The following MUSK variants were observed in gnomAD, a reference collection of about 807,000 sequenced individuals.
MUSK encodes the protein muscle associated receptor tyrosine kinase, also known as muscle, skeletal receptor tyrosine-protein kinase.
In MUSK, 55 loss-of-function variants were observed where a neutral mutation model predicts 88.7. The ratio of observed to expected loss-of-function variants is 0.62; its 90% CI spans 0.50 to 0.78. The LOEUF is 0.78. Ranked by LOEUF, MUSK falls within the 30% of genes least tolerant of loss-of-function variation. The pLI is 0.00. For synonymous variants in MUSK, 387 were observed against 391.9 expected, an observed-to-expected ratio of 0.99 and a Z score of 0.15; for missense variants, 1,015 against 1,074.3, an observed-to-expected ratio of 0.94 and a Z score of 0.77.
At position 110,804,908 on chromosome 9, in the gene MUSK, GAGAT is replaced by G. The variant is rs1052158151; in HGVS notation, c.*3930_*3933del. On this transcript the variant is annotated 3_prime_UTR_variant, in exon 15 of 15. Coordinates refer to ENST00000374448, the MANE Select transcript of MUSK (RefSeq NM_005592.4). ...TAGATAGATAGATGATACATAGAGA[GAGAT>G]AGATAGATAATTTAAACAAAAATAA... 2.6e-5 allele frequency among the ~76,000 whole-genome samples: 4 copies of G among 151,792 alleles called. No individual in the cohort carries two copies. The highest frequency in any genetic ancestry group is 2.0e-4 in the Admixed American group (3 of 15,258).
At chr9:110,743,111 C>T (rs760076121) in intron 6 of MUSK, among the ~76,000 whole-genome samples, 10 of 152,198 alleles carry the variant, frequency 6.6e-5, no homozygotes, top group East Asian at 1.9e-4. Flanking sequence ...TCACTCACTA[C>T]GAGTTAGTAA....
At chr9:110,764,595 TAGA>T (rs775452260) in intron 8 of MUSK, among the ~76,000 whole-genome samples, 1 of 138,396 alleles carries the variant, frequency 7.2e-6, no homozygotes, top group Non-Finnish European at 1.6e-5. Context: ...GATAGATAGA[TAGA>T]TAGATTAGAT....
intron 5 of MUSK, among the ~76,000 whole-genome samples, chr9:110,732,510 T>A (rs1156360057): frequency 6.6e-6 from 1 of 152,094 alleles, no homozygotes; most frequent in Non-Finnish European, 1.5e-5. Context: ...TCTCTTTTAA[T>A]CTATAATGGA....
intron 1 of MUSK, among the ~76,000 whole-genome samples, chr9:110,678,766 T>C (rs1196551417): frequency 1.3e-5 from 2 of 152,172 alleles, no homozygotes; most frequent in African/African-American, 2.4e-5. Context: ...TTTGAAAATA[T>C]GTGTCATCTA....
intron 9 of MUSK, among the ~76,000 whole-genome samples, chr9:110,772,977 G>T (rs961773864): frequency 6.6e-6 from 1 of 152,020 alleles, no homozygotes. Flanking sequence ...TGGTACAAAA[G>T]TAATTGTGTT....
chr9:110,678,625 T>C (rs973299961), intron 1 of MUSK, among the ~76,000 whole-genome samples: 2 of 152,200 alleles, frequency 1.3e-5, no homozygotes, highest in African/African-American at 4.8e-5. Flanking sequence ...CAATTTTGTT[T>C]TTAAAATTCT....
intron 7 of MUSK, among the ~76,000 whole-genome samples, chr9:110,755,979 CATATAT>C (rs61338385): frequency 9.8e-6 from 1 of 102,520 alleles, no homozygotes; most frequent in African/African-American, 3.5e-5. Context: ...TATATATATA[CATATAT>C]ATATATATAT....
intron 9 of MUSK, among the ~76,000 whole-genome samples, chr9:110,769,910 CTCTG>C: frequency 6.6e-6 from 1 of 152,130 alleles, no homozygotes; most frequent in East Asian, 1.9e-4. Context: ...TAGAAAAATT[CTCTG>C]TGTGTGTGAC....
intron 6 of MUSK, 115 bp downstream of exon 6, chr9:110,734,490 C>CTT (rs2077004030): frequency 7.8e-7 from 1 of 1,286,410 alleles, no homozygotes; most frequent in Non-Finnish European, 1.1e-6. Flanking sequence ...ACCTACACCA[C>CTT]TTTTCAAAGC....
chr9:110,790,345 A>C (rs572036755), intron 14 of MUSK, among the ~76,000 whole-genome samples: 1 of 152,250 alleles, frequency 6.6e-6, no homozygotes, highest in Non-Finnish European at 1.5e-5. Context: ...TTGTTTTGCC[A>C]TAAAGGTGAA....
At chr9:110,681,023 T>TATATAATATATA in intron 1 of MUSK, among the ~76,000 whole-genome samples, 628 of 30,232 alleles carry the variant, frequency 0.021, 116 homozygotes, top group African/African-American at 0.11. Context: ...TAATATATAT[T>TATATAATATATA]ATATATTATA....
chr9:110,786,243 A>G (rs962109901), intron 13 of MUSK, among the ~76,000 whole-genome samples: 5 of 150,166 alleles, frequency 3.3e-5, no homozygotes, highest in Non-Finnish European at 5.9e-5. Context: ...GCCGGAAGAC[A>G]GAGGTTGCAG....
At chr9:110,677,047 A>AC (rs2131634968) in intron 1 of MUSK, among the ~76,000 whole-genome samples, 1 of 152,118 alleles carries the variant, frequency 6.6e-6, no homozygotes, top group African/African-American at 2.4e-5. Flanking sequence ...TCCGTGGTTA[A>AC]CCCGTCTTTC....
chr9:110,725,757 C>T (rs1291551831), intron 5 of MUSK, among the ~76,000 whole-genome samples: 3 of 151,934 alleles, frequency 2.0e-5, no homozygotes, highest in African/African-American at 7.2e-5. Context: ...CCTAACCTCC[C>T]TAAAGAAGAT....
intron 9 of MUSK, among the ~76,000 whole-genome samples, chr9:110,773,584 C>G (rs905687689): frequency 6.6e-6 from 1 of 152,044 alleles, no homozygotes; most frequent in African/African-American, 2.4e-5. Context: ...AAATTCACTT[C>G]TTGTTCATTC....
At chr9:110,694,402 A>C (rs111261914) in intron 3 of MUSK, among the ~76,000 whole-genome samples, 2,737 of 132,680 alleles carry the variant, frequency 0.021, 98 homozygotes, top group African/African-American at 0.08. Flanking sequence ...AAAAAAAAAA[A>C]AAAACAAAAA....
At chr9:110,786,301 A>G (rs1377395566) in intron 13 of MUSK, among the ~76,000 whole-genome samples, 3 of 135,420 alleles carry the variant, frequency 2.2e-5, no homozygotes, top group Non-Finnish European at 4.7e-5. Flanking sequence ...ACAGAGCAAG[A>G]CTCTGTCTCA....
chr9:110,728,455 C>A (rs1177830319), intron 5 of MUSK, among the ~76,000 whole-genome samples: 1 of 152,018 alleles, frequency 6.6e-6, no homozygotes, highest in East Asian at 1.9e-4. Flanking sequence ...TATAATACTG[C>A]CTGGCTAAAA....
rs147772791 is a variant in MUSK at position 110,703,870 on chromosome 9, G to A, written c.628+6404G>A. 7.2e-5 allele frequency among the ~76,000 whole-genome samples: 11 copies of A among 152,284 alleles called. No homozygotes were observed. The East Asian group carries it at 1.7e-3, about 24-fold the overall frequency. On this transcript the variant is annotated intron_variant, in intron 5 of 14. Coordinates refer to ENST00000374448, the MANE Select transcript of MUSK (RefSeq NM_005592.4). ...ATTGATGAAAGACTTAAATCTTCAA[G>A]TACGTGAAGCATACCAAGTCCCAAT... is the stretch of plus-strand genomic sequence containing the variant.
Sources: gnomAD v4.1 joint callset for allele counts (sites outside exome capture counted in the v4.1 genomes callset) on GRCh38, gnomAD v4.1.1 for gene constraint, MANE v1.5 for transcripts, NCBI Gene and HGNC (gene_info 2026-07-23, HGNC 2026-07-21) for gene names.